IQUB: variants seen among roughly 807,000 people sequenced by gnomAD.
The protein encoded by IQUB is IQ motif and ubiquitin-like domain-containing protein.
A neutral mutation model predicts 86.4 loss-of-function variants in IQUB; 86 were observed. That is an observed-to-expected ratio of 1.00 (90% CI 0.84 to 1.19). The LOEUF (loss-of-function observed/expected upper bound fraction) is 1.19. IQUB is among the 50% of genes most tolerant of loss of function. The pLI, the probability that IQUB is intolerant of heterozygous loss-of-function variation, is 0.00. For synonymous variants in IQUB, 289 were observed against 304.5 expected (o/e 0.95, Z 0.53); for missense variants, 946 against 916.9 (o/e 1.03, Z -0.41).
Position 123,471,692 on chromosome 7 carries a change from A to G in IQUB, c.1411-2308T>C, listed in dbSNP as rs574096802. Among the ~76,000 whole-genome samples the G allele has an allele frequency of 1.2e-4, 19 of 152,272 alleles. No homozygotes were observed. The South Asian group carries it at 3.7e-3, about 30-fold the overall frequency. On this transcript the variant is annotated intron_variant, in intron 8 of 12. Transcript: ENST00000324698. ...AATGTGGTTAGATCTTGGTTTCCAA[A>G]TACATTCTTCATCTAAGTCCTTTCC... is the stretch of plus-strand genomic sequence containing the variant.
intron 3 of IQUB, among the ~76,000 whole-genome samples, chr7:123,504,010 TA>T (rs1031726291): frequency 6.6e-6 from 1 of 152,056 alleles, no homozygotes; most frequent in East Asian, 1.9e-4. Flanking sequence ...TTCATTCTAT[TA>T]AAAAAACGCA....
At position 123,479,795 on chromosome 7, in the gene IQUB, C is replaced by T. The variant is rs766932637; in HGVS notation, c.1410G>A (p.Lys470=). 3 of 1,609,356 alleles carry T rather than the reference C, an allele frequency of 1.9e-6. No homozygotes were observed. The South Asian group carries it at 3.3e-5, about 18-fold the overall frequency. Residue 470 remains lysine (K), a splice_region_variant and synonymous_variant, in exon 8 of 13, where the codon AAG becomes AAA. Transcript: ENST00000324698. ...TTTAAATAGTAGTCACTTCACTAAC[C>T]TTATCCAAAAAAGCTTGTATTGCTG... ...QEAAIQAFLD[K]CSAPKIWRTP... is the part of the protein sequence containing the mutation.
intron 3 of IQUB, among the ~76,000 whole-genome samples, chr7:123,504,988 C>T (rs530285695): frequency 2.0e-5 from 3 of 152,322 alleles, no homozygotes; most frequent in East Asian, 1.9e-4. Context: ...GAGATATAGG[C>T]ATTGGGTAAA....
chr7:123,469,189 C>G, intron 9 of IQUB, 25 bp downstream of exon 9: 1 of 1,432,968 alleles, frequency 7.0e-7, no homozygotes, highest in Non-Finnish European at 9.2e-7. Flanking sequence ...AACTCTACCC[C>G]CAAACTAAGA....
At chr7:123,512,487 C>T (rs1170503510) in intron 1 of IQUB, 143 bp from the exon 2 acceptor site, 1 of 462,214 alleles carries the variant, frequency 2.2e-6, no homozygotes, top group Non-Finnish European at 3.7e-6. Context: ...TTAGTAATAG[C>T]ATCAGGTTAA....
chr7:123,523,994 G>T (rs1263082455), intron 1 of IQUB, among the ~76,000 whole-genome samples: 1 of 151,522 alleles, frequency 6.6e-6, no homozygotes, highest in African/African-American at 2.4e-5. Flanking sequence ...TCTCAGGTTT[G>T]TCAAAGATCA....
chr7:123,502,615 A>G lies in IQUB; in HGVS notation c.1005T>C (p.His335=). 2 of 1,611,742 alleles carry G rather than the reference A, an allele frequency of 1.2e-6. No individual in the cohort carries two copies. Among genetic ancestry groups the G allele is most frequent in the Middle Eastern group, 1.7e-4 (1 of 6,056 alleles). The change falls in exon 6 of 13, where the codon CAT becomes CAC. Residue 335 remains histidine, a synonymous_variant. Transcript: ENST00000324698. ...ATCTCACCGCCTTTAGTCTTTGAGC[A>G]TGGTATTCTGCTGCTGAAAAATACT... ...PGKYFSAAEY[H]AQRLKAVIVI...
chr7:123,462,040 A>C (rs1794014699), intron 10 of IQUB, among the ~76,000 whole-genome samples: 1 of 151,860 alleles, frequency 6.6e-6, no homozygotes, highest in Non-Finnish European at 1.5e-5. Context: ...CTTCAAAATA[A>C]ATTTAGATTA....
intron 9 of IQUB, among the ~76,000 whole-genome samples, chr7:123,466,263 T>C (rs1033776611): frequency 3.9e-5 from 6 of 152,162 alleles, no homozygotes; most frequent in African/African-American, 1.4e-4. Context: ...CAAGTAAATG[T>C]ATATATGAAT....
intron 8 of IQUB, among the ~76,000 whole-genome samples, chr7:123,471,476 T>C (rs954417173): frequency 3.3e-5 from 5 of 152,196 alleles, no homozygotes; most frequent in Admixed American, 1.3e-4. Flanking sequence ...TTAAATGCAA[T>C]TGCTTTTCTT....
In IQUB at chr7:123,512,265, T is replaced by C. The variant is rs748238244; in HGVS notation, c.76A>G (p.Thr26Ala). Residue 26 changes from threonine (T) to alanine (A), a missense_variant, in exon 2 of 13, where the codon ACT becomes GCT. By Grantham distance (58) the Thr-to-Ala change is moderately conservative. Coordinates refer to ENST00000324698, the MANE Select transcript of IQUB (RefSeq NM_178827.5). ...STEESDDAFD[T>A]VTIPVPSEEP... is the part of the protein sequence containing the mutation. ...TCTGAGGGAACTGGAATAGTGACAG[T>C]ATCAAAAGCATCATCACTCTCTTCT... is the stretch of plus-strand genomic sequence containing the variant. The C allele has an allele frequency of 1.9e-6, 3 of 1,612,088 alleles. No individual in the cohort carries two copies. The African/African-American group carries it at 4.0e-5, about 22-fold the overall frequency.
chr7:123,505,120 T>C (rs954717420), intron 3 of IQUB, among the ~76,000 whole-genome samples: 7 of 152,170 alleles, frequency 4.6e-5, no homozygotes, highest in East Asian at 1.9e-4. Context: ...TTTGATTCCA[T>C]GTTTCACGTA....
rs750055199 is a variant in IQUB at position 123,496,697 on chromosome 7, T to A, written c.1233A>T (p.Glu411Asp). 6.3e-7 allele frequency: 1 copy of A among 1,576,406 alleles called. No individual in the cohort carries two copies. The highest frequency in any genetic ancestry group is 8.7e-7 in the Non-Finnish European group (1 of 1,154,828). ...EDFEFLYNAL[E>D]FWRQEELTRI... Reference sequence around the variant, plus strand: ...TTGCAAAGCCTGTGTCCAACTTACATTCTAATGCATTATAAAGAAATTCAA... The same window carrying A: ...TTGCAAAGCCTGTGTCCAACTTACAATCTAATGCATTATAAAGAAATTCAA... The change falls in exon 7 of 13, where the codon GAA becomes GAT. Residue 411 changes from glutamate (E) to aspartate (D), a missense_variant and splice_region_variant. Transcript: ENST00000324698.
intron 1 of IQUB, among the ~76,000 whole-genome samples, chr7:123,513,471 T>C (rs1240982785): frequency 6.6e-6 from 1 of 152,212 alleles, no homozygotes; most frequent in East Asian, 1.9e-4. Context: ...AGAATGATTT[T>C]GTATTGTGAA....
At chr7:123,503,786 A>G (rs1796055189) in intron 3 of IQUB, among the ~76,000 whole-genome samples, 1 of 151,972 alleles carries the variant, frequency 6.6e-6, no homozygotes, top group South Asian at 2.1e-4. Context: ...TAAATATAGT[A>G]TTAATAGTTT....
At chr7:123,531,872 C>G (rs190932986) in intron 1 of IQUB, among the ~76,000 whole-genome samples, 33 of 152,274 alleles carry the variant, frequency 2.2e-4, no homozygotes, top group Admixed American at 2.1e-3. Flanking sequence ...AAACGATCAC[C>G]ACTTCCATTA....
chr7:123,507,188 T>C (rs1432358680), intron 3 of IQUB, among the ~76,000 whole-genome samples: 1 of 152,238 alleles, frequency 6.6e-6, no homozygotes, highest in Non-Finnish European at 1.5e-5. Flanking sequence ...TACAATTTTC[T>C]GACTTTATGA....
Position 123,505,154 on chromosome 7 carries a change from G to A in IQUB, c.533-1791C>T, listed in dbSNP as rs537485357. 6.6e-5 allele frequency among the ~76,000 whole-genome samples: 10 copies of A among 152,282 alleles called. No homozygotes were observed. In the South Asian group the frequency reaches 1.4e-3, roughly 22 times the overall value. ...TACAGGCCACAGTGATGCAAGGGGTGGGCCCCCAAGGCTTTGGGAAGCTCT... is the reference window on the plus strand; with the variant it reads ...TACAGGCCACAGTGATGCAAGGGGTAGGCCCCCAAGGCTTTGGGAAGCTCT... On this transcript the variant is annotated intron_variant, in intron 3 of 12. Coordinates refer to ENST00000324698, the MANE Select transcript of IQUB (RefSeq NM_178827.5).
intron 7 of IQUB, among the ~76,000 whole-genome samples, chr7:123,484,586 A>G (rs369376886): frequency 7.9e-5 from 12 of 152,076 alleles, no homozygotes; most frequent in African/African-American, 2.9e-4. Flanking sequence ...AGAATCAATA[A>G]TAAATTTGGG....
Sources: allele counts gnomAD v4.1 joint callset (sites outside exome capture counted in the v4.1 genomes callset), GRCh38; gene constraint gnomAD v4.1.1; transcripts MANE v1.5; gene names NCBI Gene and HGNC (gene_info 2026-07-23, HGNC 2026-07-21).